PRAG1: variants seen among roughly 807,000 people sequenced by gnomAD.
PRAG1 encodes inactive tyrosine-protein kinase PRAG1.
A neutral mutation model predicts 95.6 loss-of-function variants in PRAG1; 110 were observed. That is an observed-to-expected ratio of 1.15 (90% CI 0.99 to 1.35). PRAG1 has a LOEUF of 1.35. PRAG1 is among the 40% of genes most tolerant of loss of function. The probability of loss-of-function intolerance (pLI) is 0.00; values close to 1 mark genes in which losing one functional copy is unlikely to be tolerated. For synonymous variants in PRAG1, 1,052 were observed against 819.4 expected, an observed-to-expected ratio of 1.28 and a Z score of -4.85; for missense variants, 2,554 against 1,864.7, an observed-to-expected ratio of 1.37 and a Z score of -6.81.
chr8:8,365,186 T>A (rs772121262), intron 3 of PRAG1, among the ~76,000 whole-genome samples: 18 of 152,196 alleles, frequency 1.2e-4, no homozygotes, highest in Non-Finnish European at 2.2e-4. Flanking sequence ...AAGTAGTATG[T>A]GTTAGGAAAA....
chr8:8,318,555 G>T lies in PRAG1; in HGVS notation c.3820C>A (p.Arg1274Ser). ...LLHQPNPFEV[R>S]AQLRERDYRQ... ...TAGTCTCTCTCCCGCAGCTGGGCGC[G>T]CACCTCGAACGGGTTGGGTTGGTGC... The change falls in exon 6 of 6, where the codon CGC becomes AGC. Residue 1274 changes from arginine (R) to serine (S), a missense_variant. Coordinates refer to ENST00000615670, the MANE Select transcript of PRAG1 (RefSeq NM_001080826.3). This position sits in a 1 kb window ranked among gnomAD's most constrained non-coding sequence, Gnocchi z 4.2. 5 of 1,613,558 alleles carry T rather than the reference G, an allele frequency of 3.1e-6. No individual in the cohort carries two copies. The highest frequency in any genetic ancestry group is 4.2e-6 in the Non-Finnish European group (5 of 1,179,934).
intron 1 of PRAG1, among the ~76,000 whole-genome samples, chr8:8,382,428 A>G (rs1800710850): frequency 6.6e-6 from 1 of 152,214 alleles, no homozygotes; most frequent in Non-Finnish European, 1.5e-5. Flanking sequence ...CCTGTCCTCT[A>G]GACCTTATGC....
At chr8:8,353,658 C>A (rs1799593725) in intron 3 of PRAG1, among the ~76,000 whole-genome samples, 2 of 151,928 alleles carry the variant, frequency 1.3e-5, no homozygotes, top group Non-Finnish European at 2.9e-5. Flanking sequence ...AGAAAAAGGA[C>A]AAAACCACGT....
intron 3 of PRAG1, 120 bp downstream of exon 3, chr8:8,376,127 C>T (rs912963714): frequency 1.5e-5 from 20 of 1,371,408 alleles, no homozygotes; most frequent in Non-Finnish European, 2.0e-5. Flanking sequence ...TACATAAAGG[C>T]ACAAGGGCCT....
At chr8:8,351,877 C>G (rs543618494) in intron 3 of PRAG1, among the ~76,000 whole-genome samples, 1 of 152,098 alleles carries the variant, frequency 6.6e-6, no homozygotes, top group Admixed American at 6.5e-5. Context: ...ACACATCTAC[C>G]TCTGGTGTTT....
In PRAG1 at chr8:8,376,804, C is replaced by T. The variant is rs770274858; in HGVS notation, c.1605G>A (p.Glu535=). 1.1e-5 allele frequency: 17 copies of T among 1,611,514 alleles called. No homozygotes were observed. Among genetic ancestry groups the T allele is most frequent in the Non-Finnish European group, 1.4e-5 (16 of 1,179,748 alleles). The stretch of plus-strand genomic sequence containing the variant: ...TGGCGGGCCTCTCCTTGGGCTTGCT[C>T]TCGCTGGCACTGTGAGCATGGCTTT... ...SRESHAHSAS[E]SKPKERPAIP... Residue 535 remains glutamate (E), a synonymous_variant, in exon 3 of 6, where the codon GAG becomes GAA. Coordinates refer to ENST00000615670, the MANE Select transcript of PRAG1 (RefSeq NM_001080826.3).
intron 1 of PRAG1, among the ~76,000 whole-genome samples, chr8:8,384,726 T>G (rs531808389): frequency 4.0e-4 from 61 of 152,162 alleles, no homozygotes; most frequent in Non-Finnish European, 7.6e-4. Context: ...CACAAAGCCT[T>G]GCCTCGCCTT....
rs185162575 is a variant in PRAG1 at position 8,338,942 on chromosome 8, G to A, written c.2320+536C>T. 4.0e-4 allele frequency among the ~76,000 whole-genome samples: 61 copies of A among 152,332 alleles called. 1 individual carries two copies. In the South Asian group the frequency reaches 5.2e-3, roughly 13 times the overall value. On this transcript the variant is annotated intron_variant, in intron 4 of 5. Transcript: ENST00000615670. ...TTCCTTTTTAGGGACATGCCCAGTGGAGGACAGACCCACCCATAGGCCTTA... is the reference window on the plus strand; with the variant it reads ...TTCCTTTTTAGGGACATGCCCAGTGAAGGACAGACCCACCCATAGGCCTTA...
At chr8:8,355,923 T>C (rs1387572206) in intron 3 of PRAG1, among the ~76,000 whole-genome samples, 1 of 152,094 alleles carries the variant, frequency 6.6e-6, no homozygotes, top group Non-Finnish European at 1.5e-5. Context: ...AATAAATAAA[T>C]GGAACTACAT....
chr8:8,376,364 C>T lies in PRAG1; in HGVS notation c.2045G>A (p.Gly682Glu). 1 of 1,614,168 alleles carries T rather than the reference C, an allele frequency of 6.2e-7. No homozygotes were observed. The highest frequency in any genetic ancestry group is 1.1e-5 in the South Asian group (1 of 91,068). ...HRLHPTDGSS[G>E]QNSKVGTGMS... ...CCCGGTCCCAACTTTGCTGTTCTGCCCAGAGGAGCCATCTGTGGGGTGGAG... is the reference window on the plus strand; with the variant it reads ...CCCGGTCCCAACTTTGCTGTTCTGCTCAGAGGAGCCATCTGTGGGGTGGAG... Residue 682 changes from glycine to glutamate, a missense_variant, in exon 3 of 6, where the codon GGG (glycine) becomes GAG (glutamate). Physicochemically the swap from Gly to Glu is moderately conservative, Grantham distance 98. Transcript: ENST00000615670.
chr8:8,358,732 G>C (rs1018669559), intron 3 of PRAG1, among the ~76,000 whole-genome samples: 3 of 152,216 alleles, frequency 2.0e-5, no homozygotes, highest in African/African-American at 7.2e-5. Flanking sequence ...ACTGAACAAA[G>C]AGACACAGGA....
intron 4 of PRAG1, among the ~76,000 whole-genome samples, chr8:8,337,127 G>A (rs1426620242): frequency 5.3e-5 from 8 of 152,194 alleles, no homozygotes; most frequent in Non-Finnish European, 1.5e-5. Flanking sequence ...ATGTAGAAGA[G>A]TCTAATGGTA....
chr8:8,337,323 C>A (rs1275079257), intron 4 of PRAG1, among the ~76,000 whole-genome samples: 1 of 152,172 alleles, frequency 6.6e-6, no homozygotes, highest in African/African-American at 2.4e-5. Context: ...GTTAAGGACC[C>A]ATGGGACTGG....
chr8:8,377,855 T>C lies in PRAG1; in HGVS notation c.554A>G (p.Glu185Gly), dbSNP rs1469841871. ...IAFHPVSFPE[E>G]KAVHKEKPSF... ...GGGTTTTTCTTTGTGCACAGCCTTC[T>C]CCTCCGGGAAGCTCACCGGGTGGAA... The change falls in exon 3 of 6, where the codon GAG (glutamate) becomes GGG (glycine). Residue 185 changes from glutamate (E) to glycine (G), a missense_variant. Glu to Gly is a moderately conservative substitution (Grantham distance 98). Transcript: ENST00000615670. 2 of 1,613,998 alleles carry C rather than the reference T, an allele frequency of 1.2e-6. No homozygotes were observed. The highest frequency in any genetic ancestry group is 1.7e-6 in the Non-Finnish European group (2 of 1,180,042).
chr8:8,370,792 C>T (rs1366059273), intron 3 of PRAG1, among the ~76,000 whole-genome samples: 1 of 152,164 alleles, frequency 6.6e-6, no homozygotes, highest in South Asian at 2.1e-4. Flanking sequence ...TGGACAGAAA[C>T]GAACTCCACT....
At chr8:8,343,619 G>T (rs1336638776) in intron 3 of PRAG1, among the ~76,000 whole-genome samples, 2 of 152,154 alleles carry the variant, frequency 1.3e-5, no homozygotes, top group Non-Finnish European at 2.9e-5. Context: ...TTTAAAAAAG[G>T]TTAAAAATTA....
intron 5 of PRAG1, among the ~76,000 whole-genome samples, chr8:8,324,392 G>A (rs1798565762): frequency 6.6e-6 from 1 of 152,170 alleles, no homozygotes; most frequent in Non-Finnish European, 1.5e-5. Context: ...CAGTGCACTG[G>A]GCCTTTGGCA....
chr8:8,340,231 A>T (rs1799120107), intron 3 of PRAG1, among the ~76,000 whole-genome samples: 1 of 152,270 alleles, frequency 6.6e-6, no homozygotes, highest in East Asian at 1.9e-4. Context: ...ATTCCAGAAC[A>T]ATGGAACCAA....
chr8:8,339,657 A>G, intron 3 of PRAG1, 22 bp from the exon 4 acceptor site: 1 of 1,598,480 alleles, frequency 6.3e-7, no homozygotes, highest in Non-Finnish European at 8.6e-7. Context: ...AGGAACAAAC[A>G]ATACAAATAA....
Sources: allele counts gnomAD v4.1 joint callset (sites outside exome capture counted in the v4.1 genomes callset), GRCh38; gene constraint gnomAD v4.1.1; non-coding constraint Gnocchi (gnomAD v3.1); transcripts MANE v1.5; gene names NCBI Gene and HGNC (gene_info 2026-07-23, HGNC 2026-07-21).